The following RYR3 variants were observed in gnomAD, a reference collection of about 807,000 sequenced individuals.
RYR3 encodes ryanodine receptor 3.
RYR3 carries 207 observed loss-of-function variants against 584.3 expected under a neutral mutation model. That is an observed-to-expected ratio of 0.35 (90% CI 0.32 to 0.40). RYR3 has a LOEUF of 0.40. Among genes scored for constraint, RYR3 ranks in the 10% least tolerant of loss-of-function variants. RYR3 has a pLI of 1.00. For missense variants in RYR3, 5,616 were observed against 6,089.2 expected (o/e 0.92, Z 2.59); for synonymous variants, 2,416 against 2,248.5 (o/e 1.07, Z -2.11).
chr15:33,807,594 C>G, intron 70 of RYR3, 25 bp downstream of exon 70: 2 of 1,549,434 alleles, frequency 1.3e-6, no homozygotes, highest in South Asian at 2.4e-5. Flanking sequence ...CATGACGTGT[C>G]TTTTCTGTCC....
intron 52 of RYR3, among the ~76,000 whole-genome samples, chr15:33,745,860 A>G (rs2070647074): frequency 6.6e-6 from 1 of 152,206 alleles, no homozygotes; most frequent in African/African-American, 2.4e-5. Flanking sequence ...CAACTGAAAC[A>G]AGAAGGAATA....
chr15:33,640,001 G>A (rs567142348), intron 27 of RYR3, among the ~76,000 whole-genome samples: 1 of 152,232 alleles, frequency 6.6e-6, no homozygotes, highest in East Asian at 1.9e-4. Context: ...GTCTGGAAGA[G>A]GCTTTGGTGT....
intron 1 of RYR3, among the ~76,000 whole-genome samples, chr15:33,361,235 T>TAA (rs1371048812): frequency 1.4e-4 from 22 of 152,294 alleles, no homozygotes; most frequent in Non-Finnish European, 2.4e-4. Flanking sequence ...CACCCCTTTC[T>TAA]TTCACATCTG....
intron 81 of RYR3, among the ~76,000 whole-genome samples, chr15:33,824,154 A>T (rs188632671): frequency 1.3e-4 from 20 of 152,324 alleles, no homozygotes; most frequent in Non-Finnish European, 2.6e-4. Flanking sequence ...ACTCAATTCC[A>T]TATTGCTCAT....
chr15:33,865,322 T>C lies in RYR3; in HGVS notation c.*96T>C. 1.2e-6 allele frequency: 1 copy of C among 828,546 alleles called. No individual in the cohort carries two copies. The highest frequency in any genetic ancestry group is 1.8e-5 in the South Asian group (1 of 55,794). The allele number at this position is 828,546 out of a possible 1,614,324, so 51.3% of individuals were successfully genotyped here. A position where few individuals can be genotyped will look rare whatever the true frequency, so the allele number is the denominator to read the frequency against. ...TCTGCAACATATCTGAAATGTGACA[T>C]TTTCTAAATGCCTCCCTTAAAAAAA... On this transcript the variant is annotated 3_prime_UTR_variant, in exon 104 of 104. Coordinates refer to ENST00000634891, the MANE Select transcript of RYR3 (RefSeq NM_001036.6).
In RYR3 at chr15:33,838,619, A is replaced by G; in HGVS notation, c.12639A>G (p.Thr4213=). The change falls in exon 89 of 104, where the codon ACA becomes ACG. Residue 4213 remains threonine (T), a synonymous_variant. Transcript: ENST00000634891. Reference sequence around the variant, plus strand: ...GAATCTTTCAGATCCTCTGGAGCACAGTGTTTGGAGGGGGCCTGGTAGAAG... The same window carrying G: ...GAATCTTTCAGATCCTCTGGAGCACGGTGTTTGGAGGGGGCCTGGTAGAAG... The part of the protein sequence containing the change: ...LGGIFQILWS[T]VFGGGLVEGA... 1 of 1,613,844 alleles carries G rather than the reference A, an allele frequency of 6.2e-7. No individual in the cohort carries two copies. Among genetic ancestry groups the G allele is most frequent in the Non-Finnish European group, 8.5e-7 (1 of 1,179,828 alleles).
intron 1 of RYR3, among the ~76,000 whole-genome samples, chr15:33,347,497 A>T (rs951720087): frequency 6.7e-6 from 1 of 148,272 alleles, no homozygotes; most frequent in Non-Finnish European, 1.5e-5. Context: ...CCCAGGCTGG[A>T]GTGCAGTGGT....
chr15:33,349,652 G>T (rs1413746153), intron 1 of RYR3, among the ~76,000 whole-genome samples: 1 of 143,992 alleles, frequency 6.9e-6, no homozygotes. Context: ...GTGCAGGTTC[G>T]TTACATATGT....
At chr15:33,578,119 G>C (rs1016557991) in intron 12 of RYR3, among the ~76,000 whole-genome samples, 2 of 152,134 alleles carry the variant, frequency 1.3e-5, no homozygotes, top group Admixed American at 1.3e-4. Context: ...AGATGCTGGC[G>C]AGGCTGTGGA....
chr15:33,840,544 C>T (rs540252198), intron 89 of RYR3: 35 of 448,978 alleles, frequency 7.8e-5, no homozygotes, highest in Middle Eastern at 6.0e-4. Flanking sequence ...GTAGAACCAC[C>T]GCCTTGAGGC....
intron 27 of RYR3, among the ~76,000 whole-genome samples, chr15:33,642,213 G>T (rs1439925409): frequency 6.6e-6 from 1 of 152,156 alleles, no homozygotes; most frequent in Non-Finnish European, 1.5e-5. Flanking sequence ...ATGTCCTGAG[G>T]TCAAATCTTC....
chr15:33,801,356 T>C (rs1315858628), intron 68 of RYR3, among the ~76,000 whole-genome samples: 1 of 152,174 alleles, frequency 6.6e-6, no homozygotes, highest in Non-Finnish European at 1.5e-5. Flanking sequence ...TGACAAATGT[T>C]TCATATTTAG....
At position 33,864,212 on chromosome 15, in the gene RYR3, C is replaced by T. The variant is rs368093331; in HGVS notation, c.14517+23C>T. The T allele has an allele frequency of 5.7e-6, 9 of 1,584,490 alleles. No individual in the cohort carries two copies. In the Admixed American group the frequency reaches 8.6e-5, roughly 15 times the overall value. On this transcript the variant is annotated intron_variant, in intron 103 of 103. Coordinates refer to ENST00000634891, the MANE Select transcript of RYR3 (RefSeq NM_001036.6). ...CAGGTGAGAAATTAAGAATCATATA[C>T]CCGTGTTAGATCTCCCTTTCCTAAA...
At chr15:33,859,515 C>T in intron 99 of RYR3, 60 bp from the exon 100 acceptor site, 2 of 1,577,630 alleles carry the variant, frequency 1.3e-6, no homozygotes, top group South Asian at 1.1e-5. Flanking sequence ...ATGATCTGAG[C>T]ATCTTGCTAA....
intron 1 of RYR3, among the ~76,000 whole-genome samples, chr15:33,337,145 C>A (rs1971221226): frequency 1.5e-5 from 2 of 132,506 alleles, no homozygotes; most frequent in Admixed American, 1.5e-4. Flanking sequence ...ATATTAGGAA[C>A]AAAAAGAGTA....
chr15:33,503,078 G>A (rs1004511153), intron 2 of RYR3, among the ~76,000 whole-genome samples: 5 of 152,170 alleles, frequency 3.3e-5, no homozygotes, highest in Non-Finnish European at 7.4e-5. Flanking sequence ...GATTGTTATA[G>A]GGATCATCAA....
rs780865718 is a variant in RYR3, at chr15:33,837,801, A to G, written c.11821A>G (p.Lys3941Glu). 3 of 1,613,846 alleles carry G rather than the reference A, an allele frequency of 1.9e-6. No homozygotes were observed. In the Admixed American group the frequency reaches 5.0e-5, roughly 27 times the overall value. The change falls in exon 89 of 104, where the codon AAA (lysine) becomes GAA (glutamate). Residue 3941 changes from lysine (K) to glutamate (E), a missense_variant. Lys to Glu is a moderately conservative substitution (Grantham distance 56, BLOSUM62 1). Around this residue, in one of 9 missense-constraint regions of RYR3, gnomAD observed 258 missense variants for 297.3 expected, o/e 0.87. Coordinates refer to ENST00000634891, the MANE Select transcript of RYR3 (RefSeq NM_001036.6). ...CCCAGATGGTAAAGGAATTATCTCC[A>G]AAAAAGAATTCCAGAAGGCCATGGA... ...YDPDGKGIIS[K>E]KEFQKAMEGQ...
At chr15:33,417,515 C>CTGATTTTTGTAAAT (rs1184336770) in intron 1 of RYR3, among the ~76,000 whole-genome samples, 3 of 152,168 alleles carry the variant, frequency 2.0e-5, no homozygotes, top group African/African-American at 7.2e-5. Context: ...AGAAATACTA[C>CTGATTTTTGTAAAT]TGATTTTTGT....
At chr15:33,448,842 C>T (rs555559345) in intron 1 of RYR3, among the ~76,000 whole-genome samples, 12 of 152,104 alleles carry the variant, frequency 7.9e-5, no homozygotes, top group Non-Finnish European at 1.3e-4. Context: ...GGCTCTGTCT[C>T]GGTTGCCCCT....
Sources: allele counts gnomAD v4.1 joint callset (sites outside exome capture counted in the v4.1 genomes callset), GRCh38; gene constraint gnomAD v4.1.1; regional missense constraint gnomAD v4.1.1; transcripts MANE v1.5; gene names NCBI Gene and HGNC (gene_info 2026-07-23, HGNC 2026-07-21).